SYT1: variants seen among roughly 807,000 people sequenced by gnomAD.
The protein encoded by SYT1 is synaptotagmin 1.
In SYT1, 8 loss-of-function variants were observed where a neutral mutation model predicts 44.8. The ratio of observed to expected loss-of-function variants is 0.18; its 90% CI spans 0.10 to 0.32. The LOEUF (loss-of-function observed/expected upper bound fraction) is 0.32, where lower values mean the gene tolerates loss of function less well. Among genes scored for constraint, SYT1 ranks in the 10% least tolerant of loss-of-function variants. The pLI, the probability that SYT1 is intolerant of heterozygous loss-of-function variation, is 1.00. For missense variants in SYT1, 286 were observed against 509.3 expected (o/e 0.56, Z 4.22); for synonymous variants, 154 against 188.8 (o/e 0.82, Z 1.51).
At chr12:79,404,793 C>T (rs7954927) in intron 9 of SYT1, among the ~76,000 whole-genome samples, 18,685 of 152,084 alleles carry the variant, frequency 0.12, 1,195 homozygotes, top group Non-Finnish European at 0.14. Flanking sequence ...TGTTTATTTG[C>T]GGAGCCTAAT....
intron 8 of SYT1, among the ~76,000 whole-genome samples, chr12:79,315,076 A>C (rs1881017766): frequency 6.6e-6 from 1 of 152,228 alleles, no homozygotes; most frequent in Non-Finnish European, 1.5e-5. Flanking sequence ...ATGGTTACAT[A>C]ACCCAGTGAA....
chr12:79,088,167 A>G (rs1242529315), intron 3 of SYT1, among the ~76,000 whole-genome samples: 1 of 152,100 alleles, frequency 6.6e-6, no homozygotes, highest in Non-Finnish European at 1.5e-5. Context: ...TATATAAGCC[A>G]GTTATTATTA....
intron 8 of SYT1, among the ~76,000 whole-genome samples, chr12:79,351,537 A>G (rs1009077728): frequency 6.3e-5 from 9 of 143,684 alleles, no homozygotes; most frequent in East Asian, 2.0e-4. Context: ...GAATTCTGCG[A>G]AAAAAAAAAA....
chr12:79,126,070 G>T (rs1222764347), intron 3 of SYT1, among the ~76,000 whole-genome samples: 1 of 152,060 alleles, frequency 6.6e-6, no homozygotes, highest in Non-Finnish European at 1.5e-5. Flanking sequence ...TTATTTCAAT[G>T]GTAATGCAGT....
chr12:79,158,874 G>A (rs1445047847), intron 3 of SYT1, among the ~76,000 whole-genome samples: 2 of 151,656 alleles, frequency 1.3e-5, no homozygotes, highest in Non-Finnish European at 2.9e-5. Context: ...TCCAGCCTGG[G>A]TGACAAGTGA....
intron 3 of SYT1, among the ~76,000 whole-genome samples, chr12:79,120,133 T>C (rs1046044656): frequency 2.0e-5 from 3 of 152,112 alleles, no homozygotes; most frequent in African/African-American, 7.2e-5. Context: ...GGGCCTGTGC[T>C]TAGGAAAAAA....
At chr12:79,150,036 T>C (rs748436458) in intron 3 of SYT1, among the ~76,000 whole-genome samples, 6 of 152,218 alleles carry the variant, frequency 3.9e-5, no homozygotes, top group Non-Finnish European at 7.3e-5. Flanking sequence ...AATTTATAAA[T>C]AGTAATTGTA....
intron 9 of SYT1, among the ~76,000 whole-genome samples, chr12:79,357,727 C>T (rs1203608149): frequency 1.3e-5 from 2 of 152,192 alleles, no homozygotes; most frequent in African/African-American, 2.4e-5. Flanking sequence ...CAAGTTGGTG[C>T]TGTAGAACAT....
intron 9 of SYT1, among the ~76,000 whole-genome samples, chr12:79,359,711 T>G (rs140441105): frequency 6.6e-6 from 1 of 152,264 alleles, no homozygotes; most frequent in East Asian, 1.9e-4. Flanking sequence ...CACTCTGTTT[T>G]CTGGAAGATG....
At chr12:78,871,680 G>A (rs756728669) in intron 1 of SYT1, among the ~76,000 whole-genome samples, 1 of 151,946 alleles carries the variant, frequency 6.6e-6, no homozygotes, top group Non-Finnish European at 1.5e-5. Context: ...AGGAAGAAAA[G>A]TTGACACAGT....
chr12:79,317,492 T>G (rs763474391), intron 8 of SYT1, among the ~76,000 whole-genome samples: 15 of 152,172 alleles, frequency 9.9e-5, no homozygotes, highest in Non-Finnish European at 2.9e-5. Context: ...CTGGGGCGCC[T>G]TGCTCCTGGG....
intron 3 of SYT1, among the ~76,000 whole-genome samples, chr12:79,104,251 ATT>A (rs1422836181): frequency 6.6e-6 from 1 of 151,804 alleles, no homozygotes; most frequent in Non-Finnish European, 1.5e-5. Context: ...TTTAATAGAG[ATT>A]TAGTGAAAAC....
At chr12:78,896,156 C>T (rs1001834373) in intron 1 of SYT1, among the ~76,000 whole-genome samples, 3 of 151,716 alleles carry the variant, frequency 2.0e-5, no homozygotes, top group Admixed American at 6.6e-5. Flanking sequence ...TTTCTTTTCT[C>T]TAAGCATTTA....
At chr12:79,344,862 G>A (rs1178849263) in intron 8 of SYT1, among the ~76,000 whole-genome samples, 1 of 152,138 alleles carries the variant, frequency 6.6e-6, no homozygotes, top group Non-Finnish European at 1.5e-5. Context: ...GGGACCACAA[G>A]TGTATCAGTT....
At chr12:79,007,097 G>A (rs938319618) in intron 2 of SYT1, among the ~76,000 whole-genome samples, 7 of 152,030 alleles carry the variant, frequency 4.6e-5, no homozygotes, top group Non-Finnish European at 8.8e-5. Flanking sequence ...CAGCAAAAGG[G>A]CCACTCCTGC....
rs1330088138 is a variant in SYT1, at chr12:79,352,548, ACTCT to A, written c.811-947_811-944del. ...CCAGTATCTGAGGGGCATACAACAA[ACTCT>A]CTCTCTTGCACTCTCTCTATCTCTA... On this transcript the variant is annotated intron_variant, in intron 8 of 10. Transcript: ENST00000261205. Among the ~76,000 whole-genome samples the A allele has an allele frequency of 2.0e-5, 3 of 152,034 alleles. No individual in the cohort carries two copies. In the East Asian group the frequency reaches 5.8e-4, roughly 29 times the overall value.
intron 3 of SYT1, among the ~76,000 whole-genome samples, chr12:79,179,480 GATATAGAT>G (rs1338952817): frequency 5.5e-4 from 44 of 80,242 alleles, no homozygotes; most frequent in Non-Finnish European, 7.9e-4. Context: ...TAGATATAGA[GATATAGAT>G]ATATCTATAT....
Position 79,305,425 on chromosome 12 carries a change from C to T in SYT1, c.810+5874C>T, listed in dbSNP as rs143407364. Among the ~76,000 whole-genome samples, 543 of 152,228 alleles carry T rather than the reference C, an allele frequency of 3.6e-3. 3 individuals are homozygous for T. The highest frequency in any genetic ancestry group is 0.012 in the African/African-American group (501 of 41,528). ...CCACCCAAAGGTCTGGTCTCACAGC[C>T]TGGCTCTCTAGCTTCCAAAGTTCAT... On this transcript the variant is annotated intron_variant, in intron 8 of 10. Coordinates refer to ENST00000261205, the MANE Select transcript of SYT1 (RefSeq NM_005639.3).
In SYT1 at chr12:79,143,301, C is replaced by T. The variant is rs376494060; in HGVS notation, c.-17-74202C>T. 1.6e-4 allele frequency among the ~76,000 whole-genome samples: 25 copies of T among 152,226 alleles called. No individual in the cohort carries two copies. In the South Asian group the frequency reaches 4.8e-3, roughly 29 times the overall value. ...AATTATATACTGTTGTCTTTTGCAG[C>T]GTTTTCATGTGTATAGTACAACTTA... On this transcript the variant is annotated intron_variant, in intron 3 of 10. Coordinates refer to ENST00000261205, the MANE Select transcript of SYT1 (RefSeq NM_005639.3).
Sources: allele counts gnomAD v4.1 joint callset (sites outside exome capture counted in the v4.1 genomes callset), GRCh38; gene constraint gnomAD v4.1.1; transcripts MANE v1.5; gene names NCBI Gene and HGNC (gene_info 2026-07-23, HGNC 2026-07-21).